C12orf54: variants seen among roughly 807,000 people sequenced by gnomAD.
The protein encoded by C12orf54 is uncharacterized protein C12orf54.
In C12orf54, 24 loss-of-function variants were observed where a neutral mutation model predicts 26.4. The observed-to-expected ratio is 0.91, with a 90% CI of 0.66 to 1.28. C12orf54 has a LOEUF of 1.28. C12orf54 is among the 50% of genes most tolerant of loss of function. The probability of loss-of-function intolerance (pLI) is 0.00; values close to 1 mark genes in which losing one functional copy is unlikely to be tolerated. For missense variants in C12orf54, 154 were observed against 150.9 expected, an observed-to-expected ratio of 1.02 and a Z score of -0.11; for synonymous variants, 54 against 47.0, an observed-to-expected ratio of 1.15 and a Z score of -0.61.
chr12:48,422,195 T>C, the C12orf54 span, among the ~76,000 whole-genome samples: 1 of 152,216 alleles, frequency 6.6e-6, no homozygotes, highest in South Asian at 2.1e-4. Flanking sequence ...GCTTTGCTTC[T>C]GTTGAAAAAA....
the C12orf54 span, among the ~76,000 whole-genome samples, chr12:48,456,119 A>G: frequency 1.3e-5 from 2 of 152,212 alleles, no homozygotes; most frequent in Non-Finnish European, 2.9e-5. Flanking sequence ...AGCTTTCTCT[A>G]TATCTCAACG....
At chr12:48,464,990 C>G in the C12orf54 span, among the ~76,000 whole-genome samples, 1 of 151,978 alleles carries the variant, frequency 6.6e-6, no homozygotes, top group Non-Finnish European at 1.5e-5. Flanking sequence ...CAATACCATT[C>G]TGGACATAGG....
intron 6 of C12orf54, 68 bp downstream of exon 6, chr12:48,490,904 T>C (rs1937776242): frequency 6.4e-7 from 1 of 1,551,668 alleles, no homozygotes. Flanking sequence ...CAAGTCTCAT[T>C]GTATCCATTT....
the C12orf54 span, among the ~76,000 whole-genome samples, chr12:48,433,700 G>A: frequency 3.9e-5 from 6 of 152,076 alleles, no homozygotes; most frequent in Admixed American, 3.9e-4. Flanking sequence ...GCCCACCTTG[G>A]CCTCCCAAAG....
chr12:48,439,863 G>A, the C12orf54 span, among the ~76,000 whole-genome samples: 6 of 151,794 alleles, frequency 4.0e-5, no homozygotes, highest in Admixed American at 1.3e-4. Flanking sequence ...GAACCTGCAC[G>A]ATGTGCACAT....
At chr12:48,479,819 C>G (rs1954180272), upstream of C12orf54, among the ~76,000 whole-genome samples, 1 of 152,020 alleles carries the variant, frequency 6.6e-6, no homozygotes, top group South Asian at 2.1e-4. Context: ...CTCAGACGAG[C>G]CAAACTTTGA....
intron 2 of C12orf54, among the ~76,000 whole-genome samples, 159 bp from the exon 3 acceptor site, chr12:48,486,019 C>T (rs1019030945): frequency 6.6e-6 from 1 of 152,138 alleles, no homozygotes; most frequent in Non-Finnish European, 1.5e-5. Context: ...CCACACCTCC[C>T]ATAAAGGGAT....
chr12:48,474,300 A>C, the C12orf54 span, among the ~76,000 whole-genome samples: 1 of 152,200 alleles, frequency 6.6e-6, no homozygotes, highest in Non-Finnish European at 1.5e-5. Context: ...TCTGGTCTAC[A>C]GCTCCCAGCA....
At chr12:48,489,065 AT>A in intron 5 of C12orf54, 109 bp downstream of exon 5, 1 of 1,091,580 alleles carries the variant, frequency 9.2e-7, no homozygotes, top group Non-Finnish European at 1.4e-6. Context: ...TTTTAGCTTC[AT>A]TTATTTTTCT....
chr12:48,442,556 C>A, the C12orf54 span: 1 of 157,778 alleles, frequency 6.3e-6, no homozygotes, highest in African/African-American at 2.4e-5. Context: ...CATCACTTGG[C>A]CATAGAGCAA....
chr12:48,474,164 T>C, the C12orf54 span, among the ~76,000 whole-genome samples: 1 of 152,346 alleles, frequency 6.6e-6, no homozygotes, highest in African/African-American at 2.4e-5. Flanking sequence ...TCCTATCTTG[T>C]TCTGTAAAAT....
chr12:48,473,063 A>G, the C12orf54 span: 2 of 1,614,088 alleles, frequency 1.2e-6, no homozygotes, highest in Admixed American at 1.7e-5. Flanking sequence ...ACTACTGAGA[A>G]AAGATGTTCA....
intron 4 of C12orf54, among the ~76,000 whole-genome samples, chr12:48,486,987 T>C (rs1290136629): frequency 6.6e-6 from 1 of 152,210 alleles, no homozygotes; most frequent in Non-Finnish European, 1.5e-5. Flanking sequence ...TAAGGGTGTT[T>C]AATCCCCAAT....
At chr12:48,491,222 C>T (rs1937782914) in intron 6 of C12orf54, among the ~76,000 whole-genome samples, 1 of 152,144 alleles carries the variant, frequency 6.6e-6, no homozygotes, top group Non-Finnish European at 1.5e-5. Flanking sequence ...GATCAAGGTG[C>T]CAACAGATTT....
chr12:48,427,609 C>A, the C12orf54 span, among the ~76,000 whole-genome samples: 1 of 151,798 alleles, frequency 6.6e-6, no homozygotes, highest in African/African-American at 2.4e-5. Context: ...GTGGCCTTGT[C>A]CAACAGGAAA....
chr12:48,431,225 C>A, the C12orf54 span, among the ~76,000 whole-genome samples: 1 of 152,092 alleles, frequency 6.6e-6, no homozygotes, highest in Non-Finnish European at 1.5e-5. Flanking sequence ...ACACCAAAAT[C>A]TCACAAATCA....
chr12:48,479,306 G>A (rs1047964387), upstream of C12orf54, among the ~76,000 whole-genome samples: 1 of 152,110 alleles, frequency 6.6e-6, no homozygotes, highest in Non-Finnish European at 1.5e-5. Context: ...GGTGGGAATT[G>A]AACAATGAGA....
chr12:48,444,042 C>A, the C12orf54 span, among the ~76,000 whole-genome samples: 1 of 152,156 alleles, frequency 6.6e-6, no homozygotes, highest in African/African-American at 2.4e-5. Flanking sequence ...GAGGTCCAGA[C>A]TAATAAGTTT....
the C12orf54 span, among the ~76,000 whole-genome samples, chr12:48,429,911 A>G: frequency 6.6e-6 from 1 of 152,216 alleles, no homozygotes; most frequent in Non-Finnish European, 1.5e-5. Flanking sequence ...CTGATTTCAA[A>G]CTATACTATA....
Sources: gnomAD v4.1 joint callset for allele counts (sites outside exome capture counted in the v4.1 genomes callset) on GRCh38, gnomAD v4.1.1 for gene constraint, MANE v1.5 for transcripts, NCBI Gene and HGNC (gene_info 2026-07-23, HGNC 2026-07-21) for gene names.